ELOVL2: variants seen among roughly 807,000 people sequenced by gnomAD.
The protein encoded by ELOVL2 is very long chain fatty acid elongase 2.
In ELOVL2, 38 loss-of-function variants were observed where a neutral mutation model predicts 37.7. That is an observed-to-expected ratio of 1.01 (90% CI 0.78 to 1.32). ELOVL2 has a LOEUF of 1.32. ELOVL2 is among the 40% of genes most tolerant of loss of function. The pLI, the probability that ELOVL2 is intolerant of heterozygous loss-of-function variation, is 0.00. For missense variants in ELOVL2, 352 were observed against 363.6 expected (o/e 0.97, Z 0.26); for synonymous variants, 115 against 122.3 (o/e 0.94, Z 0.40).
chr6:11,023,105 G>T (rs1191782332), intron 1 of ELOVL2, among the ~76,000 whole-genome samples: 19 of 152,228 alleles, frequency 1.2e-4, no homozygotes, highest in Admixed American at 1.2e-3. Flanking sequence ...TATTTGTAAT[G>T]ATTATTACAA....
intron 1 of ELOVL2, among the ~76,000 whole-genome samples, chr6:11,022,859 T>C (rs1047137332): frequency 6.6e-6 from 1 of 152,234 alleles, no homozygotes; most frequent in Non-Finnish European, 1.5e-5. Flanking sequence ...TTCTTTCCAG[T>C]CATTTTTCAA....
intron 6 of ELOVL2, 38 bp downstream of exon 6, chr6:10,990,280 A>C: frequency 1.2e-6 from 2 of 1,600,636 alleles, no homozygotes; most frequent in Non-Finnish European, 1.7e-6. Flanking sequence ...CCCATCCATA[A>C]GCCACATGGA....
intron 4 of ELOVL2, among the ~76,000 whole-genome samples, chr6:10,998,232 A>ACT (rs920577230): frequency 6.6e-6 from 1 of 151,776 alleles, no homozygotes; most frequent in African/African-American, 2.4e-5. Context: ...CCAAAATGAA[A>ACT]CTCTATAAAT....
At chr6:10,997,732 G>A (rs1465906685) in intron 4 of ELOVL2, among the ~76,000 whole-genome samples, 2 of 152,154 alleles carry the variant, frequency 1.3e-5, no homozygotes, top group Non-Finnish European at 2.9e-5. Flanking sequence ...ACTTCAGAGG[G>A]TTCTGTCTAC....
At chr6:11,035,954 T>C (rs1042117805) in intron 1 of ELOVL2, among the ~76,000 whole-genome samples, 2 of 152,236 alleles carry the variant, frequency 1.3e-5, no homozygotes, top group African/African-American at 4.8e-5. Context: ...ACTGAGGCAA[T>C]GTATTTGCAT....
intron 2 of ELOVL2, 25 bp from the exon 3 acceptor site, chr6:11,005,584 G>A: frequency 6.3e-7 from 1 of 1,590,196 alleles, no homozygotes; most frequent in Non-Finnish European, 8.6e-7. Flanking sequence ...ATACAGTGAG[G>A]ATCCTGAGGA....
chr6:10,981,138 CTA>C lies in ELOVL2; in HGVS notation c.*2641_*2642del, dbSNP rs1187417929. 5.3e-5 allele frequency: 8 copies of C among 152,130 alleles called. No homozygotes were observed. The highest frequency in any genetic ancestry group is 1.9e-4 in the African/African-American group (8 of 41,436). The allele number at this position is 152,130 out of a possible 1,614,324, so 9.4% of individuals were successfully genotyped here. A position where few individuals can be genotyped will look rare whatever the true frequency, so the allele number is the denominator to read the frequency against. Reference sequence around the variant, plus strand: ...TATAATTTTGATGGCTTGACAATTGCTATGTTTAATTCCATTCAGTTAACATT... The same window carrying C: ...TATAATTTTGATGGCTTGACAATTGCTGTTTAATTCCATTCAGTTAACATT... On this transcript the variant is annotated 3_prime_UTR_variant, in exon 8 of 8. Transcript: ENST00000354666.
rs1411588032 is a variant in ELOVL2, at chr6:10,981,991, C to G, written c.*1790G>C. 1.3e-5 allele frequency: 2 copies of G among 152,152 alleles called. No homozygotes were observed. The highest frequency in any genetic ancestry group is 2.9e-5 in the Non-Finnish European group (2 of 68,032). The allele number at this position is 152,152 out of a possible 1,614,324, so 9.4% of individuals were successfully genotyped here. The stretch of plus-strand genomic sequence containing the variant: ...ATTGCTGGGAGAGAACAAGACAGAA[C>G]AGTTATAAGGTGATGCAAGATGGAA... On this transcript the variant is annotated 3_prime_UTR_variant, in exon 8 of 8. Coordinates refer to ENST00000354666, the MANE Select transcript of ELOVL2 (RefSeq NM_017770.4).
Position 11,000,101 on chromosome 6 carries a change from C to A in ELOVL2, c.319G>T (p.Glu107Ter), listed in dbSNP as rs1405553680. 2 of 1,614,092 alleles carry A rather than the reference C, an allele frequency of 1.2e-6. No individual in the cohort carries two copies. Among genetic ancestry groups the A allele is most frequent in the Non-Finnish European group, 1.7e-6 (2 of 1,179,982 alleles). Residue 107 changes from glutamate to a stop codon, truncating the protein, a stop_gained, in exon 4 of 8, where the codon GAA (glutamate) becomes TAA (stop). Transcript: ENST00000354666. LOFTEE classifies it high-confidence loss of function. ...LQCQDLTSAG[E>*]ADIRVAKVLW... ...TAGTGGCTCACCCGGATGTCAGCTT[C>A]CCCTGCGCTGGTAAGATCTTGACAC...
In ELOVL2 at chr6:11,043,471, C is replaced by CACACACACACACA. The variant is rs1554114357; in HGVS notation, c.3+744_3+756dup. ...GCAGTTCATCGGACACGGGTGAACACACACACACACACACACAGCTTACTG... is the reference window on the plus strand; with the variant it reads ...GCAGTTCATCGGACACGGGTGAACACACACACACACACAACACACACACACACACAGCTTACTG... On this transcript the variant is annotated intron_variant, in intron 1 of 7. Transcript: ENST00000354666. The CACACACACACACA allele has an allele frequency of 1.4e-4, 19 of 140,656 alleles. 1 individual carries two copies. Among genetic ancestry groups the CACACACACACACA allele is most frequent in the South Asian group, 7.0e-4 (3 of 4,266 alleles). The allele number at this position is 140,656 out of a possible 1,614,324, so 8.7% of individuals were successfully genotyped here.
At chr6:11,043,496 G>GTCAGGCAGTTCAT (rs1581886798) in intron 1 of ELOVL2, 2 of 60,566 alleles carry the variant, frequency 3.3e-5, no homozygotes, top group Admixed American at 2.1e-4. Context: ...ACAGCTTACT[G>GTCAGGCAGTTCAT]CCGAGGAGAA....
chr6:11,000,509 G>A (rs1173190816), intron 3 of ELOVL2, among the ~76,000 whole-genome samples: 1 of 152,162 alleles, frequency 6.6e-6, no homozygotes, highest in Non-Finnish European at 1.5e-5. Context: ...AAACAACTGT[G>A]AGAAAACTAC....
intron 4 of ELOVL2, 113 bp downstream of exon 4, chr6:10,999,974 G>A (rs1782350925): frequency 1.1e-6 from 1 of 888,522 alleles, no homozygotes; most frequent in Admixed American, 2.1e-5. Context: ...ATTAGAACAG[G>A]AACCCCTTTC....
intron 2 of ELOVL2, among the ~76,000 whole-genome samples, chr6:11,006,702 T>C (rs573527484): frequency 3.7e-4 from 56 of 152,342 alleles, no homozygotes; most frequent in African/African-American, 1.3e-3. Context: ...ATTTTATAAA[T>C]ATCTCCCATT....
intron 1 of ELOVL2, among the ~76,000 whole-genome samples, chr6:11,041,375 G>C (rs1783095226): frequency 6.6e-6 from 1 of 152,126 alleles, no homozygotes; most frequent in Admixed American, 6.5e-5. Context: ...CGTTTTGAAG[G>C]AAACTAGATT....
At chr6:10,996,099 A>G (rs1782264030) in intron 4 of ELOVL2, among the ~76,000 whole-genome samples, 1 of 150,030 alleles carries the variant, frequency 6.7e-6, no homozygotes, top group African/African-American at 2.4e-5. Flanking sequence ...CTTTAGTTAA[A>G]GGCACTGTGT....
At chr6:11,038,396 GCTTGAACC>G (rs1307429380) in intron 1 of ELOVL2, among the ~76,000 whole-genome samples, 1 of 152,056 alleles carries the variant, frequency 6.6e-6, no homozygotes, top group Non-Finnish European at 1.5e-5. Context: ...CAGGAGAATC[GCTTGAACC>G]CTGGAGTCAG....
intron 2 of ELOVL2, among the ~76,000 whole-genome samples, chr6:11,006,355 C>T (rs952476344): frequency 5.3e-5 from 8 of 152,190 alleles, no homozygotes; most frequent in Non-Finnish European, 8.8e-5. Context: ...ATGAAACCCA[C>T]ATGATAGAGC....
chr6:10,988,851 T>C (rs1285581510), intron 7 of ELOVL2, among the ~76,000 whole-genome samples: 2 of 152,230 alleles, frequency 1.3e-5, no homozygotes, highest in African/African-American at 4.8e-5. Flanking sequence ...GAAGCTGTCT[T>C]CCATTTAAGT....
Sources: allele counts gnomAD v4.1 joint callset (sites outside exome capture counted in the v4.1 genomes callset), GRCh38; gene constraint gnomAD v4.1.1; transcripts MANE v1.5; gene names NCBI Gene and HGNC (gene_info 2026-07-23, HGNC 2026-07-21).